SLC24A2: variants seen among roughly 807,000 people sequenced by gnomAD.
The protein encoded by SLC24A2 is solute carrier family 24 member 2.
Under a neutral mutation model 62.0 loss-of-function variants are expected in SLC24A2, and 36 were observed. The ratio of observed to expected loss-of-function variants is 0.58; its 90% CI spans 0.44 to 0.77. The LOEUF is 0.77. Among genes scored for constraint, SLC24A2 ranks in the 30% least tolerant of loss-of-function variants. The pLI is 0.00. For missense variants in SLC24A2, 846 were observed against 817.9 expected (o/e 1.03, Z -0.42); for synonymous variants, 358 against 294.0 (o/e 1.22, Z -2.23).
At chr9:20,091,025 G>C in the SLC24A2 span, among the ~76,000 whole-genome samples, 1 of 151,572 alleles carries the variant, frequency 6.6e-6, no homozygotes, top group Non-Finnish European at 1.5e-5. Flanking sequence ...ATCTGACAGA[G>C]ATGAAAAACA....
the SLC24A2 span, among the ~76,000 whole-genome samples, chr9:20,076,138 A>C: frequency 6.6e-6 from 1 of 152,124 alleles, no homozygotes; most frequent in African/African-American, 2.4e-5. Flanking sequence ...TGGGATTCAC[A>C]GATGCGGAAC....
At chr9:19,774,210 G>A (rs1822774941) in intron 2 of SLC24A2, among the ~76,000 whole-genome samples, 1 of 152,086 alleles carries the variant, frequency 6.6e-6, no homozygotes. Context: ...GAGGAGGAGG[G>A]CAGAAACTGG....
intron 8 of SLC24A2, among the ~76,000 whole-genome samples, chr9:19,533,069 G>A (rs1280499582): frequency 6.6e-6 from 1 of 152,182 alleles, no homozygotes; most frequent in Non-Finnish European, 1.5e-5. Context: ...CTGAAATTAT[G>A]CATGGTTCAA....
At chr9:19,746,094 G>GT (rs534807582) in intron 2 of SLC24A2, among the ~76,000 whole-genome samples, 20 of 148,904 alleles carry the variant, frequency 1.3e-4, no homozygotes, top group South Asian at 2.1e-4. Context: ...CCTCCAATCT[G>GT]TTTTTTTTTC....
the SLC24A2 span, among the ~76,000 whole-genome samples, chr9:20,005,188 C>G: frequency 6.6e-6 from 1 of 152,046 alleles, no homozygotes; most frequent in Non-Finnish European, 1.5e-5. Flanking sequence ...TTAATAATTA[C>G]CATTCACTTT....
At chr9:19,629,131 G>A (rs763863208) in intron 2 of SLC24A2, among the ~76,000 whole-genome samples, 2 of 152,238 alleles carry the variant, frequency 1.3e-5, no homozygotes, top group Middle Eastern at 6.8e-3. Context: ...CCCTGAAGCT[G>A]ATGGAGTTGG....
intron 2 of SLC24A2, among the ~76,000 whole-genome samples, chr9:19,702,807 C>T (rs898671680): frequency 5.3e-5 from 8 of 152,068 alleles, no homozygotes; most frequent in Admixed American, 1.3e-4. Flanking sequence ...CTTCATATCA[C>T]TACCATACCT....
chr9:20,047,196 G>A, the SLC24A2 span, among the ~76,000 whole-genome samples: 28 of 152,272 alleles, frequency 1.8e-4, no homozygotes, highest in Middle Eastern at 3.4e-3. Flanking sequence ...ACAGGACCTA[G>A]CATTTGAGAA....
chr9:19,882,736 A>G, the SLC24A2 span, among the ~76,000 whole-genome samples: 2 of 152,092 alleles, frequency 1.3e-5, no homozygotes, highest in African/African-American at 4.8e-5. Flanking sequence ...TTCTAAAGAT[A>G]TATAAAACTC....
the SLC24A2 span, among the ~76,000 whole-genome samples, chr9:20,079,436 T>C: frequency 6.6e-6 from 1 of 152,238 alleles, no homozygotes; most frequent in Non-Finnish European, 1.5e-5. Flanking sequence ...TACATATGCC[T>C]TGCTTTTCCT....
the SLC24A2 span, among the ~76,000 whole-genome samples, chr9:20,031,135 C>CAT: frequency 1.3e-5 from 2 of 151,416 alleles, no homozygotes; most frequent in African/African-American, 2.4e-5. Flanking sequence ...CACATACACA[C>CAT]ATATATATGT....
chr9:19,864,046 A>G, the SLC24A2 span, among the ~76,000 whole-genome samples: 512 of 152,170 alleles, frequency 3.4e-3, 2 homozygotes, highest in African/African-American at 0.012. Flanking sequence ...AGTGGCTACT[A>G]TGAGCAACTA....
rs542366153 is a variant in SLC24A2, at chr9:19,664,970, T to G, written c.931-42671A>C. Among the ~76,000 whole-genome samples the G allele has an allele frequency of 1.1e-4, 17 of 152,314 alleles. No individual in the cohort carries two copies. In the East Asian group the frequency reaches 1.7e-3, roughly 16 times the overall value. On this transcript the variant is annotated intron_variant, in intron 2 of 10. Transcript: ENST00000341998. Reference sequence around the variant, plus strand: ...TCTAAACTGCCCGTTTGTGGTAGTTTGTTTCGGCAGCCCTAGAAAACAAAT... The same window carrying G: ...TCTAAACTGCCCGTTTGTGGTAGTTGGTTTCGGCAGCCCTAGAAAACAAAT...
At chr9:20,252,822 A>G in the SLC24A2 span, among the ~76,000 whole-genome samples, 4 of 152,218 alleles carry the variant, frequency 2.6e-5, no homozygotes, top group African/African-American at 4.8e-5. Context: ...CCAAATTTTC[A>G]TACTCTAGGA....
chr9:19,748,697 TGTTG>T (rs910100500), intron 2 of SLC24A2, among the ~76,000 whole-genome samples: 1 of 105,776 alleles, frequency 9.5e-6, no homozygotes, highest in Non-Finnish European at 2.0e-5. Flanking sequence ...TTTGTTTGTT[TGTTG>T]GTTGGTTGGT....
chr9:19,775,128 C>T (rs1391239657), intron 2 of SLC24A2, among the ~76,000 whole-genome samples: 1 of 152,202 alleles, frequency 6.6e-6, no homozygotes, highest in Non-Finnish European at 1.5e-5. Flanking sequence ...GTGAACACTA[C>T]ATTAAATATG....
At chr9:20,204,982 T>C in the SLC24A2 span, among the ~76,000 whole-genome samples, 1 of 152,066 alleles carries the variant, frequency 6.6e-6, no homozygotes, top group South Asian at 2.1e-4. Context: ...CTTAACCTCA[T>C]GATCCACCTC....
chr9:20,021,257 G>A, the SLC24A2 span, among the ~76,000 whole-genome samples: 1 of 151,980 alleles, frequency 6.6e-6, no homozygotes, highest in South Asian at 2.1e-4. Flanking sequence ...CGTGTAGTAT[G>A]TGTACAATCC....
At chr9:19,787,576 T>C (rs1252960808) in intron 1 of SLC24A2, among the ~76,000 whole-genome samples, 1 of 152,208 alleles carries the variant, frequency 6.6e-6, no homozygotes, top group Non-Finnish European at 1.5e-5. Flanking sequence ...TCTGCACACA[T>C]AATGATATCA....
Sources: allele counts gnomAD v4.1 joint callset (sites outside exome capture counted in the v4.1 genomes callset), GRCh38; gene constraint gnomAD v4.1.1; transcripts MANE v1.5; gene names NCBI Gene and HGNC (gene_info 2026-07-23, HGNC 2026-07-21).